Variants in ADAM18 observed in about 807,000 individuals in gnomAD.
ADAM18 encodes disintegrin and metalloproteinase domain-containing protein 18.
A neutral mutation model predicts 94.4 loss-of-function variants in ADAM18; 117 were observed. The ratio of observed to expected loss-of-function variants is 1.24; its 90% CI spans 1.07 to 1.45. The LOEUF (loss-of-function observed/expected upper bound fraction) is 1.45, where lower values mean the gene tolerates loss of function less well. ADAM18 is among the 40% of genes most tolerant of loss of function. The pLI, the probability that ADAM18 is intolerant of heterozygous loss-of-function variation, is 0.00. For synonymous variants in ADAM18, 327 were observed against 291.6 expected, an observed-to-expected ratio of 1.12 and a Z score of -1.24; for missense variants, 936 against 880.0, an observed-to-expected ratio of 1.06 and a Z score of -0.81.
At chr8:39,710,300 A>T (rs1822359880) in intron 18 of ADAM18, among the ~76,000 whole-genome samples, 1 of 152,220 alleles carries the variant, frequency 6.6e-6, no homozygotes. Context: ...CATTTGAGAA[A>T]GGAAAAATAG....
chr8:39,712,244 C>T (rs913060863), intron 18 of ADAM18, among the ~76,000 whole-genome samples: 2 of 152,050 alleles, frequency 1.3e-5, no homozygotes, highest in African/African-American at 4.8e-5. Flanking sequence ...ATTCAACAGC[C>T]CTTCATGCTA....
chr8:39,655,436 C>G (rs566538564), intron 12 of ADAM18, among the ~76,000 whole-genome samples: 4 of 151,756 alleles, frequency 2.6e-5, no homozygotes, highest in Non-Finnish European at 5.9e-5. Context: ...GGTTTATTTA[C>G]AGAATGTAAA....
intron 18 of ADAM18, among the ~76,000 whole-genome samples, chr8:39,709,694 G>A (rs181999911): frequency 1.3e-5 from 2 of 152,300 alleles, no homozygotes; most frequent in East Asian, 3.9e-4. Context: ...GTCCACCCAG[G>A]CAGCAATGTG....
Position 39,723,914 on chromosome 8 carries a change from A to G in ADAM18, c.2177+7A>G. The stretch of plus-strand genomic sequence containing the variant: ...AGAATGCAGAGTATAATCGGTAAAT[A>G]TGATATAGAATCAATGTATTAGGTT... On this transcript the variant is annotated splice_region_variant and intron_variant, in intron 19 of 19. Coordinates refer to ENST00000265707, the MANE Select transcript of ADAM18 (RefSeq NM_014237.3). 1 of 1,443,212 alleles carries G rather than the reference A, an allele frequency of 6.9e-7. No individual in the cohort carries two copies. The highest frequency in any genetic ancestry group is 1.9e-4 in the Middle Eastern group (1 of 5,142). 89.4% of individuals were successfully genotyped at this position (1,443,212 alleles called of 1,614,324 possible). A position where few individuals can be genotyped will look rare whatever the true frequency, so the allele number is the denominator to read the frequency against.
At chr8:39,682,268 C>T (rs559520116) in intron 16 of ADAM18, among the ~76,000 whole-genome samples, 40 of 152,240 alleles carry the variant, frequency 2.6e-4, no homozygotes, top group African/African-American at 7.5e-4. Flanking sequence ...AGGTAGAAAA[C>T]GGTTCATTTC....
At chr8:39,631,118 G>T (rs1463921283) in intron 7 of ADAM18, among the ~76,000 whole-genome samples, 1 of 151,764 alleles carries the variant, frequency 6.6e-6, no homozygotes, top group African/African-American at 2.4e-5. Context: ...GACTTTTTCA[G>T]ATAGCTGTAT....
At chr8:39,678,437 C>T (rs1821354174) in intron 15 of ADAM18, among the ~76,000 whole-genome samples, 1 of 152,092 alleles carries the variant, frequency 6.6e-6, no homozygotes, top group Admixed American at 6.6e-5. Context: ...GCAGAACTTC[C>T]CACTTGCCCC....
intron 2 of ADAM18, among the ~76,000 whole-genome samples, chr8:39,593,981 A>G (rs1818657758): frequency 6.6e-6 from 1 of 152,110 alleles, no homozygotes; most frequent in African/African-American, 2.4e-5. Context: ...TTGCCTATTC[A>G]TATCATTTAT....
intron 12 of ADAM18, among the ~76,000 whole-genome samples, chr8:39,658,112 T>C (rs1455846760): frequency 2.0e-5 from 3 of 152,210 alleles, no homozygotes; most frequent in Non-Finnish European, 4.4e-5. Flanking sequence ...TAATAATTTG[T>C]TGCTTTTTAT....
At chr8:39,671,846 A>G (rs1386009687) in intron 14 of ADAM18, among the ~76,000 whole-genome samples, 2 of 152,196 alleles carry the variant, frequency 1.3e-5, no homozygotes, top group Non-Finnish European at 2.9e-5. Context: ...CTATACTCCA[A>G]AAAAGATTTG....
intron 12 of ADAM18, among the ~76,000 whole-genome samples, chr8:39,659,137 G>T (rs1366956641): frequency 6.6e-6 from 1 of 151,970 alleles, no homozygotes; most frequent in Non-Finnish European, 1.5e-5. Context: ...ATGCATGACT[G>T]ATTTTTAAAA....
chr8:39,724,874 C>A (rs1177870298), intron 19 of ADAM18, among the ~76,000 whole-genome samples: 1 of 151,818 alleles, frequency 6.6e-6, no homozygotes, highest in Non-Finnish European at 1.5e-5. Flanking sequence ...AGGATTTTTG[C>A]CTTGTTAATT....
Position 39,680,162 on chromosome 8 carries a change from C to G in ADAM18, c.1757C>G (p.Ser586Cys). ...TGTGTATCTATAGCCACTGGTTCCTCCATGAGATCAGATGGAACAGACAAT... is the reference window on the plus strand; with the variant it reads ...TGTGTATCTATAGCCACTGGTTCCTGCATGAGATCAGATGGAACAGACAAT... ...HVCVSIATGSSMRSDGTDNAY... is the reference protein window; with the variant it reads ...HVCVSIATGSCMRSDGTDNAY... The change falls in exon 16 of 20, where the codon TCC becomes TGC. Residue 586 changes from serine (S) to cysteine (C), a missense_variant. By Grantham distance (112) the Ser-to-Cys change is moderately radical (BLOSUM62 -1). Transcript: ENST00000265707. 1.4e-5 allele frequency: 22 copies of G among 1,613,770 alleles called. No homozygotes were observed. Among genetic ancestry groups the G allele is most frequent in the Non-Finnish European group, 1.9e-5 (22 of 1,179,858 alleles).
chr8:39,721,240 T>C (rs1439384345), intron 18 of ADAM18, among the ~76,000 whole-genome samples: 1 of 151,418 alleles, frequency 6.6e-6, no homozygotes, highest in South Asian at 2.1e-4. Flanking sequence ...AAAAAATCTA[T>C]GTATTTCAAC....
chr8:39,637,202 T>A, intron 7 of ADAM18, 62 bp from the exon 8 acceptor site: 1 of 1,284,654 alleles, frequency 7.8e-7, no homozygotes, highest in South Asian at 1.4e-5. Flanking sequence ...AATGCCTAAA[T>A]ATCATTTCAT....
chr8:39,640,766 T>G (rs905296121), intron 10 of ADAM18, among the ~76,000 whole-genome samples: 1 of 152,158 alleles, frequency 6.6e-6, no homozygotes, highest in African/African-American at 2.4e-5. Context: ...GATTTACATT[T>G]CTCTAATGAC....
At chr8:39,696,954 G>T (rs967016516) in intron 17 of ADAM18, among the ~76,000 whole-genome samples, 1 of 151,572 alleles carries the variant, frequency 6.6e-6, no homozygotes, top group South Asian at 2.1e-4. Context: ...GATTGGCTTG[G>T]GTAGTATTGT....
chr8:39,650,052 T>C (rs946575111), intron 12 of ADAM18, among the ~76,000 whole-genome samples: 2 of 152,204 alleles, frequency 1.3e-5, no homozygotes, highest in African/African-American at 4.8e-5. Context: ...TTTGATTTTT[T>C]ACAGAAAACG....
At chr8:39,616,273 A>G (rs1819435014) in intron 6 of ADAM18, among the ~76,000 whole-genome samples, 1 of 152,008 alleles carries the variant, frequency 6.6e-6, no homozygotes, top group African/African-American at 2.4e-5. Context: ...GGTGGCGTGC[A>G]CGTGTATTCC....
Sources: allele counts gnomAD v4.1 joint callset (sites outside exome capture counted in the v4.1 genomes callset), GRCh38; gene constraint gnomAD v4.1.1; transcripts MANE v1.5; gene names NCBI Gene and HGNC (gene_info 2026-07-23, HGNC 2026-07-21).